The following STOX2 variants were observed in gnomAD, a reference collection of about 807,000 sequenced individuals.
The protein encoded by STOX2 is storkhead box 2.
In STOX2, 28 loss-of-function variants were observed where a neutral mutation model predicts 60.9. The ratio of observed to expected loss-of-function variants is 0.46; its 90% CI spans 0.34 to 0.63. STOX2 has a LOEUF of 0.63. STOX2 is among the 30% of genes least tolerant of loss of function. The probability of loss-of-function intolerance (pLI) is 0.01; values close to 1 mark genes in which losing one functional copy is unlikely to be tolerated. For synonymous variants in STOX2, 472 were observed against 463.9 expected, an observed-to-expected ratio of 1.02 and a Z score of -0.22; for missense variants, 1,024 against 1,187.7, an observed-to-expected ratio of 0.86 and a Z score of 2.03.
At chr4:183,989,953 T>A (rs185209843) in intron 1 of STOX2, among the ~76,000 whole-genome samples, 2 of 152,316 alleles carry the variant, frequency 1.3e-5, no homozygotes, top group Admixed American at 6.5e-5. Context: ...TTTTAGAACA[T>A]GTTTAAAGGC....
intron 1 of STOX2, among the ~76,000 whole-genome samples, chr4:183,866,401 C>G (rs1740568681): frequency 6.6e-6 from 1 of 152,186 alleles, no homozygotes; most frequent in Non-Finnish European, 1.5e-5. Context: ...GTTCTGGCAT[C>G]TTAAGATCCT....
chr4:183,858,177 C>T (rs1045273017), intron 1 of STOX2, among the ~76,000 whole-genome samples: 1 of 152,224 alleles, frequency 6.6e-6, no homozygotes, highest in African/African-American at 2.4e-5. Context: ...TAAGCTCTCC[C>T]TTGCCCCTCC....
intron 1 of STOX2, among the ~76,000 whole-genome samples, chr4:183,832,513 C>T (rs368215522): frequency 8.3e-5 from 9 of 108,014 alleles, no homozygotes; most frequent in African/African-American, 1.8e-4. Context: ...TTTTTTGAGA[C>T]GGAGTCTTGC....
chr4:184,001,274 G>T lies in STOX2; in HGVS notation c.167-51G>T. The T allele has an allele frequency of 6.3e-7, 1 of 1,596,204 alleles. No homozygotes were observed. ...GACGCGTGAAGGCGTGTGTCTGACAGATGACCGGGTCTTTTAATGAACCAC... is the reference window on the plus strand; with the variant it reads ...GACGCGTGAAGGCGTGTGTCTGACATATGACCGGGTCTTTTAATGAACCAC... On this transcript the variant is annotated intron_variant, in intron 1 of 3. Transcript: ENST00000308497. This position sits in a 1 kb window ranked among gnomAD's most constrained non-coding sequence, Gnocchi z 4.2.
intron 1 of STOX2, among the ~76,000 whole-genome samples, chr4:183,809,029 A>G (rs1738974302): frequency 2.6e-5 from 4 of 152,224 alleles, no homozygotes. Context: ...ATTGTAAACA[A>G]TAGGACATGC....
intron 1 of STOX2, among the ~76,000 whole-genome samples, chr4:183,898,284 G>T (rs1302634594): frequency 6.6e-6 from 1 of 152,108 alleles, no homozygotes; most frequent in Non-Finnish European, 1.5e-5. Context: ...AGGGAGAGCA[G>T]TGAGAGGAGG....
rs1356419783 is a variant in STOX2, at chr4:183,825,223, G to A, written c.364+27168G>A. ...TGAGGACGGCTGGGACATTCTTCCA[G>A]CTTATTTTGCTTTGAGGATCTTGAG... On this transcript the variant is annotated intron_variant, in intron 1 of 2. Coordinates refer to the STOX2 transcript ENST00000513034. This position sits in a 1 kb window ranked among gnomAD's most constrained non-coding sequence, Gnocchi z 4.1. 2.0e-5 allele frequency among the ~76,000 whole-genome samples: 3 copies of A among 152,174 alleles called. No individual in the cohort carries two copies. The highest frequency in any genetic ancestry group is 4.4e-5 in the Non-Finnish European group (3 of 68,042).
At chr4:184,000,432 C>A (rs1733535540) in intron 1 of STOX2, among the ~76,000 whole-genome samples, 1 of 152,094 alleles carries the variant, frequency 6.6e-6, no homozygotes, top group Non-Finnish European at 1.5e-5. Flanking sequence ...TGCCTTCTCC[C>A]ACTCCTCCCA....
At position 183,942,784 on chromosome 4, in the gene STOX2, T is replaced by C. The variant is rs148678644; in HGVS notation, c.166+35828T>C. Among the ~76,000 whole-genome samples the C allele has an allele frequency of 2.3e-3, 346 of 152,308 alleles. 3 individuals carry two copies. Among genetic ancestry groups the C allele is most frequent in the African/African-American group, 8.1e-3 (337 of 41,580 alleles). ...AGGCCATATTTATAAAGATTTTCTA[T>C]ATCATGTGCTTTAAAAAAAAACTTT... On this transcript the variant is annotated intron_variant, in intron 1 of 3. Transcript: ENST00000308497.
chr4:183,883,937 C>T (rs377086078), intron 1 of STOX2, among the ~76,000 whole-genome samples: 123 of 152,020 alleles, frequency 8.1e-4, no homozygotes, highest in African/African-American at 2.8e-3. Flanking sequence ...CTGCAACCTC[C>T]GCCTCCTGGG....
chr4:183,886,324 G>GAGGGTGAAGGTTCCGATGGTTGCT (rs1276420829), intron 1 of STOX2, among the ~76,000 whole-genome samples: 3 of 148,494 alleles, frequency 2.0e-5, no homozygotes, highest in African/African-American at 4.9e-5. Context: ...GCAAGATCAG[G>GAGGGTGAAGGTTCCGATGGTTGCT]GTCACTAGGA....
chr4:183,837,253 G>A (rs1368512994), intron 1 of STOX2, among the ~76,000 whole-genome samples: 6 of 152,068 alleles, frequency 3.9e-5, no homozygotes, highest in Non-Finnish European at 8.8e-5. Context: ...GTACAATTCA[G>A]TAACATTAAA....
intron 1 of STOX2, among the ~76,000 whole-genome samples, chr4:183,851,828 G>A (rs139880213): frequency 0.57 from 15,976 of 27,842 alleles, 4,017 homozygotes; most frequent in East Asian, 0.65. Context: ...AAAGGATGAG[G>A]GAAACGATGA....
At position 183,907,209 on chromosome 4, in the gene STOX2, A is replaced by G. The variant is rs187964828; in HGVS notation, c.166+253A>G. On this transcript the variant is annotated intron_variant, in intron 1 of 3. Transcript: ENST00000308497. ...GGGACGAGCCGGGCGTTTTGGCTGC[A>G]GGGAGATAAATGACTGCAAGCCCCG... 2.5e-4 allele frequency among the ~76,000 whole-genome samples: 38 copies of G among 152,212 alleles called. 1 individual carries two copies. The highest frequency in any genetic ancestry group is 2.3e-3 in the Admixed American group (35 of 15,298).
At chr4:183,843,139 C>T (rs1330952012) in intron 1 of STOX2, among the ~76,000 whole-genome samples, 3 of 127,618 alleles carry the variant, frequency 2.4e-5, no homozygotes, top group Non-Finnish European at 3.2e-5. Context: ...CAGAGCGAGA[C>T]TCCATCTCAA....
Position 184,009,636 on chromosome 4 carries a change from C to T in STOX2, c.798C>T (p.Phe266=). The T allele has an allele frequency of 6.2e-6, 10 of 1,613,852 alleles. No homozygotes were observed. Among genetic ancestry groups the T allele is most frequent in the Non-Finnish European group, 6.8e-6 (8 of 1,179,872 alleles). The part of the protein sequence containing the change: ...PKDSEKQSKK[F]GLKLFRLSFK... ...ATAGTGAAAAGCAGTCAAAAAAATTCGGGCTAAAGTTATTCCGGTTAAGTT... is the reference window on the plus strand; with the variant it reads ...ATAGTGAAAAGCAGTCAAAAAAATTTGGGCTAAAGTTATTCCGGTTAAGTT... Residue 266 remains phenylalanine, a synonymous_variant, in exon 3 of 4, where the codon TTC becomes TTT. Coordinates refer to ENST00000308497, the MANE Select transcript of STOX2 (RefSeq NM_020225.3). This position sits in a 1 kb window ranked among gnomAD's most constrained non-coding sequence, Gnocchi z 4.0.
chr4:183,810,122 T>A (rs1739001697), intron 1 of STOX2, among the ~76,000 whole-genome samples: 1 of 152,144 alleles, frequency 6.6e-6, no homozygotes, highest in South Asian at 2.1e-4. Context: ...TCTGCATGGA[T>A]AAATAAACCC....
chr4:183,941,188 C>T (rs6552725), intron 1 of STOX2, among the ~76,000 whole-genome samples: 31,288 of 152,124 alleles, frequency 0.21, 6,126 homozygotes, highest in African/African-American at 0.49. Flanking sequence ...GCTGATGGAG[C>T]CTTTGAGTCG....
intron 1 of STOX2, among the ~76,000 whole-genome samples, chr4:183,798,408 A>G (rs1006381952): frequency 1.5e-4 from 22 of 151,206 alleles, no homozygotes; most frequent in African/African-American, 5.1e-4. Flanking sequence ...CCCTCCCGGC[A>G]CTGCTCCGCG....
Sources: allele counts gnomAD v4.1 joint callset (sites outside exome capture counted in the v4.1 genomes callset), GRCh38; gene constraint gnomAD v4.1.1; non-coding constraint Gnocchi (gnomAD v3.1); transcripts MANE v1.5; gene names NCBI Gene and HGNC (gene_info 2026-07-23, HGNC 2026-07-21).